Variants in RAD54L observed in about 807,000 individuals in gnomAD.
RAD54L encodes DNA repair and recombination protein RAD54-like.
RAD54L carries 74 observed loss-of-function variants against 91.6 expected under a neutral mutation model. The ratio of observed to expected loss-of-function variants is 0.81; its 90% confidence interval spans 0.67 to 0.98. The LOEUF (loss-of-function observed/expected upper bound fraction) is 0.98. RAD54L is among the 50% of genes least tolerant of loss of function. The pLI, the probability that RAD54L is intolerant of heterozygous loss-of-function variation, is 0.00. For synonymous variants in RAD54L, 304 were observed against 349.7 expected (o/e 0.87, Z 1.46); for missense variants, 887 against 945.7 (o/e 0.94, Z 0.81).
At chr1:46,250,439 A>G (rs1659766204) in intron 3 of RAD54L, among the ~76,000 whole-genome samples, 1 of 152,164 alleles carries the variant, frequency 6.6e-6, no homozygotes. Context: ...AGAGTCATGT[A>G]TTTCCTCTAG....
chr1:46,270,515 T>G lies in RAD54L; in HGVS notation c.1043-144T>G. 3.7e-6 allele frequency: 4 copies of G among 1,068,646 alleles called. No individual in the cohort carries two copies. In the Admixed American group the frequency reaches 7.6e-5, roughly 20 times the overall value. 66.2% of individuals were successfully genotyped at this position (1,068,646 alleles called of 1,614,324 possible). The stretch of plus-strand genomic sequence containing the variant: ...TCACTGCTTTGATACCTCTCTGATC[T>G]GTTAAACAGAAATTGGCCTATATTT... On this transcript the variant is annotated intron_variant, in intron 9 of 17. Transcript: ENST00000371975.
At position 46,278,444 on chromosome 1, in the gene RAD54L, TA is replaced by T; in HGVS notation, c.*170del. ...ATTTTATAAGAAAAACTTTTTTGGT[TA>T]AAAAAAAGAATAAAGGTATGAAAGG... On this transcript the variant is annotated 3_prime_UTR_variant, in exon 18 of 18. Transcript: ENST00000371975. 42 of 882,618 alleles carry T rather than the reference TA, an allele frequency of 4.8e-5. No individual in the cohort carries two copies. Among genetic ancestry groups the T allele is most frequent in the South Asian group, 6.1e-5 (4 of 65,054 alleles). 54.7% of individuals were successfully genotyped at this position (882,618 alleles called of 1,614,324 possible). A position where few individuals can be genotyped will look rare whatever the true frequency, so the allele number is the denominator to read the frequency against.
chr1:46,278,166 A>G lies in RAD54L; in HGVS notation c.2128A>G (p.Thr710Ala), dbSNP rs377132922. The G allele has an allele frequency of 5.6e-6, 9 of 1,613,692 alleles. No homozygotes were observed. Among genetic ancestry groups the G allele is most frequent in the Non-Finnish European group, 6.8e-6 (8 of 1,179,898 alleles). The change falls in exon 18 of 18, where the codon ACT becomes GCT. Residue 710 changes from threonine (T) to alanine (A), a missense_variant. By Grantham distance (58) the Thr-to-Ala change is moderately conservative. Coordinates refer to ENST00000371975, the MANE Select transcript of RAD54L (RefSeq NM_003579.4). ...TSDLAGWNHC[T>A]DKWGLRDEVL... ...AGACCTGGCAGGGTGGAACCACTGC[A>G]CTGATAAGTGGGGGCTCCGGGATGA...
At chr1:46,277,707 T>C in intron 16 of RAD54L, 110 bp from the exon 17 acceptor site, 1 of 1,254,594 alleles carries the variant, frequency 8.0e-7, no homozygotes, top group Non-Finnish European at 1.2e-6. Context: ...TTTTTATTCA[T>C]CTCCTCTTCT....
chr1:46,252,309 C>G (rs1360035088), intron 3 of RAD54L, among the ~76,000 whole-genome samples: 1 of 152,044 alleles, frequency 6.6e-6, no homozygotes, highest in Non-Finnish European at 1.5e-5. Flanking sequence ...ACTAAGGTCA[C>G]TGAAGAGCTT....
chr1:46,256,635 T>TAA (rs575077176), intron 3 of RAD54L, among the ~76,000 whole-genome samples: 11 of 141,622 alleles, frequency 7.8e-5, no homozygotes, highest in African/African-American at 2.8e-4. Flanking sequence ...CCCTGTCTTT[T>TAA]AAAAAAAAAA....
In RAD54L at chr1:46,278,149, C is replaced by A. The variant is rs749368390; in HGVS notation, c.2111C>A (p.Ala704Glu). The change falls in exon 18 of 18, where the codon GCA (alanine) becomes GAA (glutamate). Residue 704 changes from alanine to glutamate, a missense_variant. Physicochemically the swap from Ala to Glu is moderately radical, Grantham distance 107. Transcript: ENST00000371975. ...GGTTCTGACTGCACTTCAGACCTGG[C>A]AGGGTGGAACCACTGCACTGATAAG... ...PDGSDCTSDLAGWNHCTDKWG... is the reference protein window; with the variant it reads ...PDGSDCTSDLEGWNHCTDKWG... 10 of 1,613,636 alleles carry A rather than the reference C, an allele frequency of 6.2e-6. 1 individual carries two copies. Among genetic ancestry groups the A allele is most frequent in the Middle Eastern group, 3.3e-4 (2 of 6,082 alleles).
chr1:46,261,767 AAG>A (rs2148289784), intron 8 of RAD54L, among the ~76,000 whole-genome samples: 1 of 152,280 alleles, frequency 6.6e-6, no homozygotes, highest in South Asian at 2.1e-4. Flanking sequence ...TCTGGGGAAA[AAG>A]AGACACAAGC....
In RAD54L at chr1:46,277,923, G is replaced by A. The variant is rs763313279; in HGVS notation, c.1976G>A (p.Gly659Asp). The change falls in exon 17 of 18, where the codon GGC becomes GAC. Residue 659 changes from glycine to aspartate, a missense_variant. Physicochemically the swap from Gly to Asp is moderately conservative, Grantham distance 94. Coordinates refer to ENST00000371975, the MANE Select transcript of RAD54L (RefSeq NM_003579.4). ...EQDVERHFSLGELKELFILDE... is the reference protein window; with the variant it reads ...EQDVERHFSLDELKELFILDE... Reference sequence around the variant, plus strand: ...GATGTAGAGCGCCACTTCTCTCTGGGCGAGTTGAAGGAGCTGTTTATCCTG... The same window carrying A: ...GATGTAGAGCGCCACTTCTCTCTGGACGAGTTGAAGGAGCTGTTTATCCTG... 5.6e-6 allele frequency: 9 copies of A among 1,614,118 alleles called. No individual in the cohort carries two copies. The East Asian group carries it at 1.6e-4, about 28-fold the overall frequency.
Position 46,274,205 on chromosome 1 carries a change from A to T in RAD54L, c.1678A>T (p.Asn560Tyr). The change falls in exon 15 of 18, where the codon AAT becomes TAT. Residue 560 changes from asparagine (N) to tyrosine (Y), a missense_variant. By Grantham distance (143) the Asn-to-Tyr change is moderately radical. Transcript: ENST00000371975. ...KKRAKVVERF[N>Y]SPSSPDFVFM... ...GCGAGCCAAGGTTGTAGAACGCTTC[A>T]ATAGTCCATCGGTAAATGCACATCC... 1.2e-6 allele frequency: 2 copies of T among 1,612,634 alleles called. No individual in the cohort carries two copies. Among genetic ancestry groups the T allele is most frequent in the Non-Finnish European group, 1.7e-6 (2 of 1,178,604 alleles).
chr1:46,252,738 A>G (rs1258007687), intron 3 of RAD54L, among the ~76,000 whole-genome samples: 1 of 152,128 alleles, frequency 6.6e-6, no homozygotes, highest in East Asian at 1.9e-4. Flanking sequence ...TTTTAATAGC[A>G]AAGTTACAGG....
chr1:46,274,094 A>C, intron 14 of RAD54L, 44 bp from the exon 15 acceptor site: 1 of 1,533,166 alleles, frequency 6.5e-7, no homozygotes, highest in Non-Finnish European at 9.0e-7. Flanking sequence ...TTTTCCCCCT[A>C]ATCATTGAAG....
In RAD54L at chr1:46,248,171, CT is replaced by C; in HGVS notation, c.-232del. 1 of 644,100 alleles carries C rather than the reference CT, an allele frequency of 1.6e-6. No homozygotes were observed. Among genetic ancestry groups the C allele is most frequent in the Non-Finnish European group, 2.8e-6 (1 of 356,110 alleles). 39.9% of individuals were successfully genotyped at this position (644,100 alleles called of 1,614,324 possible). A position where few individuals can be genotyped will look rare whatever the true frequency, so the allele number is the denominator to read the frequency against. On this transcript the variant is annotated 5_prime_UTR_variant, in exon 1 of 18. Coordinates refer to ENST00000371975, the MANE Select transcript of RAD54L (RefSeq NM_003579.4). ...ACTAATCTCTGCTTGGTCTCTTCCTCTTTGGCCTAATCTCTCGTCTCGGCTT... is the reference window on the plus strand; with the variant it reads ...ACTAATCTCTGCTTGGTCTCTTCCTCTTGGCCTAATCTCTCGTCTCGGCTT...
chr1:46,260,081 A>G lies in RAD54L; in HGVS notation c.389A>G (p.Asp130Gly), dbSNP rs1569579371. 1 of 1,614,212 alleles carries G rather than the reference A, an allele frequency of 6.2e-7. No individual in the cohort carries two copies. Among genetic ancestry groups the G allele is most frequent in the East Asian group, 2.2e-5 (1 of 44,888 alleles). The stretch of plus-strand genomic sequence containing the variant: ...GAGCCTCCCCCGCTGAGCGCTCATG[A>G]CCAGCTGAAGCTTGACAAGTATGTG... ...LYEPPPLSAH[D>G]QLKLDKEKLP... The change falls in exon 5 of 18, where the codon GAC becomes GGC. Residue 130 changes from aspartate to glycine, a missense_variant. Asp to Gly is a moderately conservative substitution (Grantham distance 94). Coordinates refer to ENST00000371975, the MANE Select transcript of RAD54L (RefSeq NM_003579.4).
chr1:46,272,730 G>A lies in RAD54L; in HGVS notation c.1303G>A (p.Glu435Lys), dbSNP rs2148300561. 6.2e-7 allele frequency: 1 copy of A among 1,614,200 alleles called. No homozygotes were observed. The highest frequency in any genetic ancestry group is 8.5e-7 in the Non-Finnish European group (1 of 1,180,024). ...GTTTCTGAGACAAGCCAAACCGGCAGAAGAATTGCTTGAGGGCAAGATGAG... is the reference window on the plus strand; with the variant it reads ...GTTTCTGAGACAAGCCAAACCGGCAAAAGAATTGCTTGAGGGCAAGATGAG... ...KRFLRQAKPAEELLEGKMSVS... is the reference protein window; with the variant it reads ...KRFLRQAKPAKELLEGKMSVS... Residue 435 changes from glutamate to lysine, a missense_variant, in exon 12 of 18, where the codon GAA (glutamate) becomes AAA (lysine). Glu to Lys is a moderately conservative substitution (Grantham distance 56). Coordinates refer to ENST00000371975, the MANE Select transcript of RAD54L (RefSeq NM_003579.4).
At chr1:46,253,038 C>T (rs993955910) in intron 3 of RAD54L, among the ~76,000 whole-genome samples, 1 of 152,106 alleles carries the variant, frequency 6.6e-6, no homozygotes, top group East Asian at 1.9e-4. Flanking sequence ...TGTCAGTGCA[C>T]TCCACCCTGG....
chr1:46,270,606 G>A, intron 9 of RAD54L, 53 bp from the exon 10 acceptor site: 2 of 1,610,290 alleles, frequency 1.2e-6, no homozygotes, highest in East Asian at 2.2e-5. Flanking sequence ...ACTAGCTGTG[G>A]GAAAATCATT....
chr1:46,252,254 G>C (rs1659817889), intron 3 of RAD54L, among the ~76,000 whole-genome samples: 1 of 152,142 alleles, frequency 6.6e-6, no homozygotes, highest in South Asian at 2.1e-4. Flanking sequence ...CTGTGCAGTG[G>C]CTAAGAGTGG....
At chr1:46,251,308 G>A (rs1659792859) in intron 3 of RAD54L, among the ~76,000 whole-genome samples, 1 of 151,988 alleles carries the variant, frequency 6.6e-6, no homozygotes, top group Admixed American at 6.6e-5. Context: ...GTGAAAATCC[G>A]TCCCCAAAAC....
Sources: gnomAD v4.1 joint callset for allele counts (sites outside exome capture counted in the v4.1 genomes callset) on GRCh38, gnomAD v4.1.1 for gene constraint, MANE v1.5 for transcripts, NCBI Gene and HGNC (gene_info 2026-07-23, HGNC 2026-07-21) for gene names.